ZSCAN5C: variants seen among roughly 807,000 people sequenced by gnomAD.
ZSCAN5C encodes zinc finger and SCAN domain-containing protein 5C.
In ZSCAN5C, 11 loss-of-function variants were observed where a neutral mutation model predicts 17.3. The observed-to-expected ratio is 0.64, with a 90% CI of 0.40 to 1.06. ZSCAN5C has a LOEUF of 1.06. Among genes scored for constraint, ZSCAN5C ranks in the 50% least tolerant of loss-of-function variants. ZSCAN5C has a pLI of 0.00. For synonymous variants in ZSCAN5C, 229 were observed against 208.4 expected (o/e 1.10, Z -0.85); for missense variants, 698 against 538.9 (o/e 1.30, Z -2.92).
rs565616975 is a variant in ZSCAN5C at position 56,203,730 on chromosome 19, A to C, written c.-128+1408A>C. 2.2e-3 allele frequency among the ~76,000 whole-genome samples: 320 copies of C among 146,638 alleles called. 4 individuals are homozygous for C. Among genetic ancestry groups the C allele is most frequent in the African/African-American group, 7.6e-3 (298 of 39,074 alleles). On this transcript the variant is annotated intron_variant, in intron 1 of 4. Transcript: ENST00000534327. ...AATGGCGCGATCTCTGTTCACCACA[A>C]CCTCTGGCTCCCGGGTTGAAGTGAT...
intron 3 of ZSCAN5C, 105 bp downstream of exon 3, chr19:56,207,367 C>G (rs117379843): frequency 0.04 from 24,298 of 606,982 alleles, 1,650 homozygotes; most frequent in East Asian, 0.21. Flanking sequence ...GACAAGATTA[C>G]AGCCATTCCC....
rs958019949 is a variant in ZSCAN5C, at chr19:56,206,373, G to A, written c.384+76G>A. On this transcript the variant is annotated intron_variant, in intron 2 of 4. Coordinates refer to ENST00000534327, the Ensembl canonical transcript of ZSCAN5C. ...CTGCATGGTGCAGCTGGACTCGAGA[G>A]GACCCGAGGGGCTGCTCTAGGTCAG... 8.8e-5 allele frequency: 126 copies of A among 1,426,842 alleles called. 2 individuals are homozygous for A. The African/African-American group carries it at 1.8e-3, about 21-fold the overall frequency. The allele number at this position is 1,426,842 out of a possible 1,614,324, so 88.4% of individuals were successfully genotyped here.
chr19:56,206,141 C>A, exon 2 of ZSCAN5C: 1 of 1,603,832 alleles, frequency 6.2e-7, no homozygotes, highest in Non-Finnish European at 8.5e-7. Flanking sequence ...TGAGGCCCGA[C>A]CTCCACACCA....
chr19:56,209,371 G>GT, downstream of ZSCAN5C: 1 of 504,750 alleles, frequency 2.0e-6, no homozygotes, highest in Non-Finnish European at 3.5e-6. Context: ...GGGAATTTTG[G>GT]TTTTTGTTTC....
chr19:56,205,894 T>C (rs746829653), exon 2 of ZSCAN5C: 1 of 993,246 alleles, frequency 1.0e-6, no homozygotes, highest in Non-Finnish European at 1.6e-6. Context: ...AGAGACAGAT[T>C]GAAATATTCC....
intron 1 of ZSCAN5C, 78 bp from the exon 2 acceptor site, chr19:56,205,709 G>T (rs79352363): frequency 1.8e-6 from 1 of 551,322 alleles, no homozygotes; most frequent in Non-Finnish European, 3.2e-6. Flanking sequence ...TGGGGTCTGG[G>T]ATTGGGATGA....
At position 56,209,017 on chromosome 19, in the gene ZSCAN5C, G is replaced by C. The variant is rs545471949; in HGVS notation, c.1308G>C (p.Gly436=). Residue 436 remains glycine, a synonymous_variant, in exon 5 of 5, where the codon GGG becomes GGC. Coordinates refer to ENST00000534327, the Ensembl canonical transcript of ZSCAN5C. ...AGTGTCACAAGAGAAGCCACACAGGGGAGAAGCCCTTCGAATGTAAAGACT... is the reference window on the plus strand; with the variant it reads ...AGTGTCACAAGAGAAGCCACACAGGCGAGAAGCCCTTCGAATGTAAAGACT... The C allele has an allele frequency of 4.6e-5, 74 of 1,612,980 alleles. No individual in the cohort carries two copies. In the East Asian group the frequency reaches 1.5e-3, roughly 34 times the overall value.
exon 1 of ZSCAN5C, chr19:56,202,286 A>G (rs1312325504): frequency 2.0e-5 from 3 of 152,246 alleles, no homozygotes; most frequent in Admixed American, 2.0e-4. Flanking sequence ...AGCACATCCT[A>G]GAAGAGAGGA....
At chr19:56,208,572 G>C (rs779001342) in exon 5 of ZSCAN5C, 2 of 1,593,378 alleles carry the variant, frequency 1.3e-6, no homozygotes, top group South Asian at 2.2e-5. Flanking sequence ...AGCGGGAGCA[G>C]AGGAGACGCT....
At position 56,208,005 on chromosome 19, in the gene ZSCAN5C, A is replaced by C. The variant is rs767931649; in HGVS notation, c.589-29A>C. ...GTCCTTCCACCGGTTTAGGCATGGC[A>C]GTCATTGCTGTTGGTTTTCCATTCT... On this transcript the variant is annotated intron_variant, in intron 3 of 4. Coordinates refer to ENST00000534327, the Ensembl canonical transcript of ZSCAN5C. 8 of 705,014 alleles carry C rather than the reference A, an allele frequency of 1.1e-5. No individual in the cohort carries two copies. In the Admixed American group the frequency reaches 1.6e-4, roughly 14 times the overall value. 43.7% of individuals were successfully genotyped at this position (705,014 alleles called of 1,614,324 possible). A position where few individuals can be genotyped will look rare whatever the true frequency, so the allele number is the denominator to read the frequency against.
exon 5 of ZSCAN5C, chr19:56,209,081 C>T: frequency 8.8e-6 from 14 of 1,597,242 alleles, no homozygotes; most frequent in Non-Finnish European, 1.2e-5. Context: ...TCTGAAGGAG[C>T]ACCAGCGCAT....
chr19:56,205,992 C>T, exon 2 of ZSCAN5C: 1 of 1,588,888 alleles, frequency 6.3e-7, no homozygotes, highest in Non-Finnish European at 8.6e-7. Flanking sequence ...ACAGTCCATG[C>T]CATCCCCAGC....
At chr19:56,203,701 G>C (rs2146337168) in intron 1 of ZSCAN5C, among the ~76,000 whole-genome samples, 1 of 144,696 alleles carries the variant, frequency 6.9e-6, no homozygotes, top group Non-Finnish European at 1.5e-5. Context: ...CCAGGCTGGA[G>C]TGCAATGGCG....
chr19:56,204,006 CTA>C (rs1381210978), intron 1 of ZSCAN5C, among the ~76,000 whole-genome samples: 2 of 151,784 alleles, frequency 1.3e-5, no homozygotes, highest in Non-Finnish European at 2.9e-5. Flanking sequence ...ATTTTAAAAA[CTA>C]TTTTATAATT....
chr19:56,205,805 A>C (rs1329517331), exon 2 of ZSCAN5C: 11 of 596,830 alleles, frequency 1.8e-5, no homozygotes, highest in Non-Finnish European at 3.3e-5. Flanking sequence ...ATGAACAGTG[A>C]ATCTATTACT....
chr19:56,205,240 ATG>A (rs2032908533), intron 1 of ZSCAN5C, among the ~76,000 whole-genome samples: 1 of 151,908 alleles, frequency 6.6e-6, no homozygotes, highest in Non-Finnish European at 1.5e-5. Flanking sequence ...GAAATTATGA[ATG>A]TGCATTTCAC....
exon 5 of ZSCAN5C, chr19:56,208,568 A>C: frequency 6.3e-7 from 1 of 1,591,942 alleles, no homozygotes. Flanking sequence ...TCACAGCGGG[A>C]GCAGAGGAGA....
At chr19:56,203,640 A>ATTTTTTTTTTT (rs564406569) in intron 1 of ZSCAN5C, among the ~76,000 whole-genome samples, 2 of 86,818 alleles carry the variant, frequency 2.3e-5, no homozygotes, top group African/African-American at 9.8e-5. Flanking sequence ...TCTACTGGGA[A>ATTTTTTTTTTT]TTTTTTTTTT....
intron 2 of ZSCAN5C, 139 bp from the exon 3 acceptor site, chr19:56,206,920 A>G (rs1415532371): frequency 8.4e-6 from 5 of 597,354 alleles, no homozygotes; most frequent in African/African-American, 1.9e-5. Flanking sequence ...AAAAGTTCAC[A>G]CAGAGCTGAT....
Sources: gnomAD v4.1 joint callset for allele counts (sites outside exome capture counted in the v4.1 genomes callset) on GRCh38, gnomAD v4.1.1 for gene constraint, MANE v1.5 for transcripts, NCBI Gene and HGNC (gene_info 2026-07-23, HGNC 2026-07-21) for gene names.